Variants in CDH13 observed in about 807,000 individuals in gnomAD.
CDH13 encodes the protein cadherin 13.
Under a neutral mutation model 63.8 loss-of-function variants are expected in CDH13, and 24 were observed. The ratio of observed to expected loss-of-function variants is 0.38; its 90% confidence interval spans 0.27 to 0.53. CDH13 has a LOEUF of 0.53. Ranked by LOEUF, CDH13 falls within the 20% of genes least tolerant of loss-of-function variation. The pLI is 0.85. For synonymous variants in CDH13, 503 were observed against 355.3 expected, an observed-to-expected ratio of 1.42 and a Z score of -4.67; for missense variants, 1,049 against 903.1, an observed-to-expected ratio of 1.16 and a Z score of -2.07.
chr16:83,348,082 C>T (rs1307990900), intron 6 of CDH13, among the ~76,000 whole-genome samples: 4 of 151,978 alleles, frequency 2.6e-5, no homozygotes, highest in South Asian at 2.1e-4. Flanking sequence ...CCCAGCTAGT[C>T]GGGAGGCTGA....
intron 1 of CDH13, among the ~76,000 whole-genome samples, chr16:82,724,620 T>G (rs1440137012): frequency 6.6e-6 from 1 of 151,438 alleles, no homozygotes; most frequent in African/African-American, 2.4e-5. Flanking sequence ...CTTGAAGGAG[T>G]TCACACTGTA....
intron 3 of CDH13, among the ~76,000 whole-genome samples, chr16:83,042,385 G>A (rs1157963337): frequency 6.6e-6 from 1 of 152,178 alleles, no homozygotes; most frequent in African/African-American, 2.4e-5. Context: ...AAGAGATCTA[G>A]GTTGCACCCT....
chr16:83,606,387 T>C (rs1168610207), intron 8 of CDH13, among the ~76,000 whole-genome samples: 4 of 152,160 alleles, frequency 2.6e-5, no homozygotes, highest in Middle Eastern at 3.2e-3. Context: ...TCACAAATAA[T>C]AGAGACTAGA....
chr16:83,537,973 C>T lies in CDH13; in HGVS notation c.960+51318C>T, dbSNP rs186654462. Among the ~76,000 whole-genome samples the T allele has an allele frequency of 8.9e-4, 135 of 152,264 alleles. 1 individual carries two copies. Among genetic ancestry groups the T allele is most frequent in the Non-Finnish European group, 1.5e-3 (105 of 68,020 alleles). ...GGAAGTCTGTTTCCTTTCCCAGTTA[C>T]GGCCCAAATAATAAATGTTGATGTT... On this transcript the variant is annotated intron_variant, in intron 7 of 13. Coordinates refer to ENST00000567109, the MANE Select transcript of CDH13 (RefSeq NM_001257.5).
At chr16:83,326,921 A>G (rs1223264073) in intron 5 of CDH13, among the ~76,000 whole-genome samples, 1 of 152,216 alleles carries the variant, frequency 6.6e-6, no homozygotes, top group Non-Finnish European at 1.5e-5. Flanking sequence ...ATGGTGCAAT[A>G]TGTGTTAAGT....
At chr16:83,378,196 T>C (rs2091491473) in intron 6 of CDH13, among the ~76,000 whole-genome samples, 1 of 152,168 alleles carries the variant, frequency 6.6e-6, no homozygotes, top group South Asian at 2.1e-4. Flanking sequence ...TTCGGTCTCA[T>C]CCTGAAACAA....
At chr16:83,437,658 C>T (rs185447123) in intron 6 of CDH13, among the ~76,000 whole-genome samples, 51 of 152,036 alleles carry the variant, frequency 3.4e-4, no homozygotes, top group African/African-American at 1.2e-3. Context: ...GCCTGGGAGA[C>T]AGAGCAAGAT....
At chr16:82,857,384 A>G (rs1040270090) in intron 1 of CDH13, among the ~76,000 whole-genome samples, 2 of 152,180 alleles carry the variant, frequency 1.3e-5, no homozygotes, top group African/African-American at 4.8e-5. Flanking sequence ...CTGTCCCAGT[A>G]TGTGTGGTAG....
intron 2 of CDH13, among the ~76,000 whole-genome samples, chr16:82,927,847 T>A (rs915116020): frequency 1.4e-4 from 21 of 152,228 alleles, no homozygotes; most frequent in Non-Finnish European, 1.6e-4. Flanking sequence ...CCAGTGCTAA[T>A]GAGTTACTGA....
At chr16:83,314,866 C>A (rs1404852305) in intron 5 of CDH13, among the ~76,000 whole-genome samples, 2 of 152,312 alleles carry the variant, frequency 1.3e-5, no homozygotes, top group East Asian at 3.9e-4. Context: ...TCTTTTCCAA[C>A]CTATTCTTCT....
intron 6 of CDH13, among the ~76,000 whole-genome samples, chr16:83,445,693 A>G (rs1443197183): frequency 6.6e-6 from 1 of 152,198 alleles, no homozygotes; most frequent in East Asian, 1.9e-4. Context: ...AGATGTTTTC[A>G]TCACGTGGCT....
intron 2 of CDH13, among the ~76,000 whole-genome samples, chr16:82,861,941 G>T (rs2039963672): frequency 6.6e-6 from 1 of 152,310 alleles, no homozygotes; most frequent in East Asian, 1.9e-4. Context: ...TCTCAGTCTT[G>T]AAAGTTTATC....
At chr16:82,896,131 C>T (rs1018215805) in intron 2 of CDH13, among the ~76,000 whole-genome samples, 7 of 152,084 alleles carry the variant, frequency 4.6e-5, no homozygotes, top group Non-Finnish European at 7.3e-5. Flanking sequence ...TCGTATCTTA[C>T]CTGTTTCCCT....
At chr16:82,686,365 T>C (rs571111003) in intron 1 of CDH13, among the ~76,000 whole-genome samples, 1 of 152,294 alleles carries the variant, frequency 6.6e-6, no homozygotes, top group Admixed American at 6.5e-5. Flanking sequence ...CCAGTTAGGA[T>C]CAATACACTT....
At chr16:83,234,385 C>T (rs1001690460) in intron 5 of CDH13, among the ~76,000 whole-genome samples, 1 of 152,136 alleles carries the variant, frequency 6.6e-6, no homozygotes, top group Non-Finnish European at 1.5e-5. Context: ...GAAGCAGGCC[C>T]CAAATAACCA....
chr16:83,480,284 C>A (rs767713851), intron 6 of CDH13, among the ~76,000 whole-genome samples: 2 of 152,134 alleles, frequency 1.3e-5, no homozygotes, highest in African/African-American at 4.8e-5. Flanking sequence ...CCACTGCGCT[C>A]CAACCTAGGT....
chr16:83,489,848 C>T (rs113557622), intron 7 of CDH13, among the ~76,000 whole-genome samples: 36 of 152,212 alleles, frequency 2.4e-4, no homozygotes, highest in African/African-American at 8.7e-4. Flanking sequence ...GAAAGTATCC[C>T]ATTTGGGACC....
rs868445696 is a variant in CDH13, at chr16:83,393,676, A to G, written c.781+48670A>G. Reference sequence around the variant, plus strand: ...TTCATTCAATTCAGTTGAATCATTCATTCATTGAATTGAATCATTCATTCA... The same window carrying G: ...TTCATTCAATTCAGTTGAATCATTCGTTCATTGAATTGAATCATTCATTCA... On this transcript the variant is annotated intron_variant, in intron 6 of 13. Transcript: ENST00000567109. Among the ~76,000 whole-genome samples, 15 of 152,340 alleles carry G rather than the reference A, an allele frequency of 9.8e-5. No homozygotes were observed. In the East Asian group the frequency reaches 1.2e-3, roughly 12 times the overall value.
At chr16:82,907,708 T>C (rs1272797622) in intron 2 of CDH13, among the ~76,000 whole-genome samples, 1 of 152,190 alleles carries the variant, frequency 6.6e-6, no homozygotes, top group Non-Finnish European at 1.5e-5. Flanking sequence ...ACAGCCACTT[T>C]TGAGTCAAGT....
Sources: allele counts gnomAD v4.1 joint callset (sites outside exome capture counted in the v4.1 genomes callset), GRCh38; gene constraint gnomAD v4.1.1; transcripts MANE v1.5; gene names NCBI Gene and HGNC (gene_info 2026-07-23, HGNC 2026-07-21).